RNF216: variants seen among roughly 807,000 people sequenced by gnomAD.
RNF216 encodes the protein ring finger protein 216, also known as E3 ubiquitin-protein ligase RNF216.
A neutral mutation model predicts 110.8 loss-of-function variants in RNF216; 72 were observed. That is an observed-to-expected ratio of 0.65 (90% CI 0.54 to 0.79). The LOEUF (loss-of-function observed/expected upper bound fraction) is 0.79, where lower values mean the gene tolerates loss of function less well. Ranked by LOEUF, RNF216 falls within the 30% of genes least tolerant of loss-of-function variation. RNF216 has a pLI of 0.00. For missense variants in RNF216, 1,342 were observed against 1,141.2 expected (o/e 1.18, Z -2.54); for synonymous variants, 495 against 407.5 (o/e 1.21, Z -2.59).
chr7:5,697,061 C>T (rs1283720119), intron 13 of RNF216, among the ~76,000 whole-genome samples: 1 of 145,038 alleles, frequency 6.9e-6, no homozygotes, highest in Non-Finnish European at 1.5e-5. Context: ...CATTGCAAAG[C>T]CCTCAACAGG....
chr7:5,704,321 A>G lies in RNF216; in HGVS notation c.2061+7440T>C, dbSNP rs77102772. Among the ~76,000 whole-genome samples, 3 of 152,226 alleles carry G rather than the reference A, an allele frequency of 2.0e-5. No individual in the cohort carries two copies. In the South Asian group the frequency reaches 6.2e-4, roughly 31 times the overall value. On this transcript the variant is annotated intron_variant, in intron 13 of 16. Transcript: ENST00000389902. ...TTATATTACTGGCAAAGACACTGCA[A>G]TGAGAAAGCAGGTGCCCTTAGTCTC...
In RNF216 at chr7:5,725,508, T is replaced by C. The variant is rs187497437; in HGVS notation, c.1390-70A>G. The C allele has an allele frequency of 2.6e-5, 23 of 876,628 alleles. No homozygotes were observed. The African/African-American group carries it at 3.8e-4, about 15-fold the overall frequency. The allele number at this position is 876,628 out of a possible 1,614,324, so 54.3% of individuals were successfully genotyped here. A position where few individuals can be genotyped will look rare whatever the true frequency, so the allele number is the denominator to read the frequency against. On this transcript the variant is annotated intron_variant, in intron 7 of 16. Transcript: ENST00000389902. ...AAGAATACACGAGACAGGCAATCCC[T>C]GAATGCCATTTTAACACAGTTTCAG...
intron 2 of RNF216, among the ~76,000 whole-genome samples, chr7:5,759,928 G>C (rs1795845145): frequency 6.6e-6 from 1 of 152,086 alleles, no homozygotes; most frequent in Non-Finnish European, 1.5e-5. Context: ...ACCACGCCTG[G>C]CCTGGGGGAG....
rs539551402 is a variant in RNF216 at position 5,642,977 on chromosome 7, A to G, written c.2160-1601T>C. On this transcript the variant is annotated intron_variant, in intron 14 of 16. Coordinates refer to ENST00000389902, the MANE Select transcript of RNF216 (RefSeq NM_207111.4). ...TCAAGGAGAGAAGAGGCTGTAAAGAATTAAGGTTACAGTCTTTTCATGAAG... is the reference window on the plus strand; with the variant it reads ...TCAAGGAGAGAAGAGGCTGTAAAGAGTTAAGGTTACAGTCTTTTCATGAAG... 1.8e-4 allele frequency among the ~76,000 whole-genome samples: 28 copies of G among 152,164 alleles called. No individual in the cohort carries two copies. The South Asian group carries it at 5.8e-3, about 32-fold the overall frequency.
chr7:5,676,475 C>T (rs1029585933), intron 13 of RNF216, among the ~76,000 whole-genome samples: 2 of 152,202 alleles, frequency 1.3e-5, no homozygotes, highest in Non-Finnish European at 2.9e-5. Context: ...CGCTGGGGAA[C>T]CCCACCGAGC....
intron 13 of RNF216, among the ~76,000 whole-genome samples, chr7:5,691,131 AACCGTGTGTGTAG>A (rs1298421120): frequency 6.6e-6 from 1 of 152,112 alleles, no homozygotes; most frequent in Non-Finnish European, 1.5e-5. Context: ...CCATTTCTCT[AACCGTGTGTGTAG>A]ACGGTGAGCC....
chr7:5,777,061 A>G (rs1379200445), intron 1 of RNF216, among the ~76,000 whole-genome samples: 5 of 152,200 alleles, frequency 3.3e-5, no homozygotes, highest in Non-Finnish European at 7.3e-5. Context: ...AAAAGTCTGA[A>G]TACCCTGCTG....
chr7:5,642,198 C>T (rs907512474), intron 14 of RNF216, among the ~76,000 whole-genome samples: 7 of 151,444 alleles, frequency 4.6e-5, no homozygotes, highest in Admixed American at 3.3e-4. Flanking sequence ...CAACGTTCTA[C>T]AACTCAAGGT....
At chr7:5,635,678 C>G (rs1787354779) in intron 15 of RNF216, among the ~76,000 whole-genome samples, 1 of 152,182 alleles carries the variant, frequency 6.6e-6, no homozygotes, top group Admixed American at 6.5e-5. Flanking sequence ...TGGGAATACT[C>G]CGAGGACAAA....
intron 9 of RNF216, among the ~76,000 whole-genome samples, chr7:5,718,420 A>T (rs1299658555): frequency 6.6e-6 from 1 of 152,218 alleles, no homozygotes; most frequent in Non-Finnish European, 1.5e-5. Flanking sequence ...GGACAGCACA[A>T]AAGCTAGATA....
intron 9 of RNF216, among the ~76,000 whole-genome samples, chr7:5,717,315 T>C (rs568619648): frequency 1.3e-5 from 2 of 152,158 alleles, no homozygotes; most frequent in Non-Finnish European, 2.9e-5. Flanking sequence ...ATCGCACCAT[T>C]GCACTCTAGC....
intron 13 of RNF216, among the ~76,000 whole-genome samples, chr7:5,704,468 G>T (rs866683991): frequency 6.6e-6 from 1 of 152,192 alleles, no homozygotes; most frequent in African/African-American, 2.4e-5. Context: ...AACTGAGAAA[G>T]GTAAAAGCGT....
intron 13 of RNF216, among the ~76,000 whole-genome samples, chr7:5,684,602 C>G (rs1790864053): frequency 6.6e-6 from 1 of 152,164 alleles, no homozygotes; most frequent in African/African-American, 2.4e-5. Flanking sequence ...GCAGTAAAGC[C>G]CATCCCATGT....
intron 13 of RNF216, among the ~76,000 whole-genome samples, chr7:5,660,947 T>TTTTTTGTTTTTTTTTG (rs1789087677): frequency 7.5e-6 from 1 of 133,814 alleles, no homozygotes; most frequent in African/African-American, 3.0e-5. Context: ...CCTTAGGTTT[T>TTTTTTGTTTTTTTTTG]TTTTTTTTTT....
chr7:5,668,710 G>C (rs1218170211), intron 13 of RNF216, among the ~76,000 whole-genome samples: 1 of 152,178 alleles, frequency 6.6e-6, no homozygotes, highest in Non-Finnish European at 1.5e-5. Flanking sequence ...CTCAGAAGCA[G>C]GGCCAGAGAT....
intron 13 of RNF216, among the ~76,000 whole-genome samples, chr7:5,708,856 G>A (rs1198142607): frequency 6.6e-6 from 1 of 152,100 alleles, no homozygotes; most frequent in African/African-American, 2.4e-5. Flanking sequence ...AAGCCCAAAT[G>A]CTGAACACAT....
chr7:5,767,235 G>A (rs1337288420), intron 1 of RNF216, among the ~76,000 whole-genome samples: 1 of 152,180 alleles, frequency 6.6e-6, no homozygotes, highest in Non-Finnish European at 1.5e-5. Flanking sequence ...CAGGGGCTCT[G>A]ATCCATGAAA....
chr7:5,668,655 G>A (rs1265328017), intron 13 of RNF216, among the ~76,000 whole-genome samples: 1 of 152,168 alleles, frequency 6.6e-6, no homozygotes, highest in Non-Finnish European at 1.5e-5. Context: ...ACTCGACACA[G>A]AAGAATGATA....
intron 14 of RNF216, among the ~76,000 whole-genome samples, chr7:5,643,675 G>A (rs1427486740): frequency 6.6e-6 from 1 of 152,112 alleles, no homozygotes; most frequent in Non-Finnish European, 1.5e-5. Context: ...CTTTTGCTGT[G>A]GTAAAATGCA....
Sources: gnomAD v4.1 joint callset for allele counts (sites outside exome capture counted in the v4.1 genomes callset) on GRCh38, gnomAD v4.1.1 for gene constraint, MANE v1.5 for transcripts, NCBI Gene and HGNC (gene_info 2026-07-23, HGNC 2026-07-21) for gene names.